The following FTO variants were observed in gnomAD, a reference collection of about 807,000 sequenced individuals.
The protein encoded by FTO is FTO alpha-ketoglutarate dependent dioxygenase.
Under a neutral mutation model 63.9 loss-of-function variants are expected in FTO, and 47 were observed. The observed-to-expected ratio is 0.74, with a 90% CI of 0.58 to 0.94. The LOEUF (loss-of-function observed/expected upper bound fraction) is 0.94, where lower values mean the gene tolerates loss of function less well. Ranked by LOEUF, FTO falls within the 40% of genes least tolerant of loss-of-function variation. The probability of loss-of-function intolerance (pLI) is 0.00; values close to 1 mark genes in which losing one functional copy is unlikely to be tolerated. For synonymous variants in FTO, 207 were observed against 224.4 expected (o/e 0.92, Z 0.69); for missense variants, 562 against 618.1 (o/e 0.91, Z 0.96).
At chr16:54,054,101 A>G (rs1162386968) in intron 8 of FTO, among the ~76,000 whole-genome samples, 4 of 152,112 alleles carry the variant, frequency 2.6e-5, no homozygotes, top group Middle Eastern at 3.4e-3. Context: ...GTGATTAAGT[A>G]TATTTAGCAC....
At chr16:53,768,842 C>G (rs1351486725) in intron 1 of FTO, among the ~76,000 whole-genome samples, 1 of 152,162 alleles carries the variant, frequency 6.6e-6, no homozygotes, top group Non-Finnish European at 1.5e-5. Flanking sequence ...AATTCCTCCT[C>G]AAGTGTGCGT....
chr16:54,076,063 A>G (rs2085986076), intron 8 of FTO, among the ~76,000 whole-genome samples: 1 of 152,132 alleles, frequency 6.6e-6, no homozygotes, highest in South Asian at 2.1e-4. Flanking sequence ...GACAAGCAGG[A>G]CTTAACATCA....
intron 7 of FTO, among the ~76,000 whole-genome samples, chr16:53,933,452 G>A (rs1324632833): frequency 2.0e-5 from 3 of 152,100 alleles, no homozygotes; most frequent in Admixed American, 2.0e-4. Context: ...GCAAGATCTT[G>A]ATTTGCAACA....
chr16:53,799,033 A>G (rs781421699), intron 1 of FTO, among the ~76,000 whole-genome samples: 8 of 152,162 alleles, frequency 5.3e-5, no homozygotes, highest in Non-Finnish European at 1.2e-4. Context: ...GGATTTATGT[A>G]GATTTTTGAA....
chr16:53,739,861 C>G (rs1000236722), intron 1 of FTO, among the ~76,000 whole-genome samples: 8 of 151,740 alleles, frequency 5.3e-5, no homozygotes, highest in African/African-American at 1.9e-4. Context: ...GTTATATTGT[C>G]TTCAAAAATA....
intron 7 of FTO, among the ~76,000 whole-genome samples, chr16:53,916,754 G>A (rs1012846015): frequency 3.9e-5 from 6 of 152,142 alleles, no homozygotes; most frequent in Admixed American, 1.3e-4. Flanking sequence ...TTCATCTGAC[G>A]CATTCCTTTC....
chr16:53,736,247 C>T (rs2076388744), intron 1 of FTO, among the ~76,000 whole-genome samples: 1 of 151,954 alleles, frequency 6.6e-6, no homozygotes, highest in Non-Finnish European at 1.5e-5. Flanking sequence ...CTGTGTTCTT[C>T]TGTACTCTCC....
At chr16:54,032,215 A>G (rs1172865344) in intron 8 of FTO, among the ~76,000 whole-genome samples, 1 of 152,232 alleles carries the variant, frequency 6.6e-6, no homozygotes, top group Non-Finnish European at 1.5e-5. Context: ...GTAAGCATGC[A>G]TCTGACAGAG....
At chr16:54,059,324 G>A (rs1467159667) in intron 8 of FTO, among the ~76,000 whole-genome samples, 1 of 152,094 alleles carries the variant, frequency 6.6e-6, no homozygotes, top group East Asian at 1.9e-4. Context: ...GGTTATGATC[G>A]GCAATTACAG....
At chr16:53,940,102 T>C (rs565239228) in intron 8 of FTO, among the ~76,000 whole-genome samples, 130 of 152,298 alleles carry the variant, frequency 8.5e-4, no homozygotes, top group African/African-American at 3.0e-3. Context: ...CCATCTTATG[T>C]TCCCACCAAG....
At position 54,117,161 on chromosome 16, in the gene FTO, C is replaced by T. The variant is rs1469386278; in HGVS notation, c.*5246C>T. Reference sequence around the variant, plus strand: ...CTGTGTGTGATTCTCACTCTACCACCTCTTCAAACCTTTGTTGTCTTATCT... The same window carrying T: ...CTGTGTGTGATTCTCACTCTACCACTTCTTCAAACCTTTGTTGTCTTATCT... On this transcript the variant is annotated 3_prime_UTR_variant, in exon 9 of 9. Coordinates refer to ENST00000471389, the MANE Select transcript of FTO (RefSeq NM_001080432.3). 2.0e-5 allele frequency: 3 copies of T among 152,214 alleles called. No individual in the cohort carries two copies. Among genetic ancestry groups the T allele is most frequent in the Non-Finnish European group, 2.9e-5 (2 of 68,040 alleles). 9.4% of individuals were successfully genotyped at this position (152,214 alleles called of 1,614,324 possible). A position where few individuals can be genotyped will look rare whatever the true frequency, so the allele number is the denominator to read the frequency against.
intron 7 of FTO, among the ~76,000 whole-genome samples, chr16:53,914,725 C>T (rs2151946741): frequency 6.6e-6 from 1 of 152,312 alleles, no homozygotes; most frequent in African/African-American, 2.4e-5. Flanking sequence ...CTTAAATTGT[C>T]TCCGTTAAAC....
At chr16:53,745,192 C>A (rs139223498) in intron 1 of FTO, among the ~76,000 whole-genome samples, 11 of 152,304 alleles carry the variant, frequency 7.2e-5, no homozygotes, top group African/African-American at 2.4e-4. Context: ...ATGCAATCTG[C>A]TGGTGGTATC....
intron 7 of FTO, among the ~76,000 whole-genome samples, chr16:53,921,258 C>T (rs1598995591): frequency 6.6e-6 from 1 of 152,328 alleles, no homozygotes; most frequent in East Asian, 1.9e-4. Context: ...TCCCCTCTCC[C>T]CCAGTGTTTT....
chr16:53,798,313 G>C (rs2078131580), intron 1 of FTO, among the ~76,000 whole-genome samples: 1 of 151,980 alleles, frequency 6.6e-6, no homozygotes, highest in Non-Finnish European at 1.5e-5. Flanking sequence ...GTGAATTTTA[G>C]AAATAGAATG....
At chr16:53,981,912 CAAAAAAA>C (rs540781287) in intron 8 of FTO, 6 of 95,502 alleles carry the variant, frequency 6.3e-5, no homozygotes, top group Admixed American at 3.2e-4. Context: ...GCTCTGTTTC[CAAAAAAA>C]AAAAAAAAAA....
chr16:53,871,444 CACTT>C (rs1446443114), intron 4 of FTO, among the ~76,000 whole-genome samples: 3 of 152,226 alleles, frequency 2.0e-5, no homozygotes, highest in Admixed American at 1.3e-4. Flanking sequence ...CTGTTCATCT[CACTT>C]AGTGTGAGTT....
At chr16:53,783,485 G>T (rs552902701) in intron 1 of FTO, among the ~76,000 whole-genome samples, 1 of 151,146 alleles carries the variant, frequency 6.6e-6, no homozygotes, top group Non-Finnish European at 1.5e-5. Context: ...GCGGGCGCCT[G>T]TAGTCCCAGC....
At chr16:54,074,911 AGAGAGAGTGT>A (rs1424523812) in intron 8 of FTO, among the ~76,000 whole-genome samples, 6 of 115,772 alleles carry the variant, frequency 5.2e-5, no homozygotes, top group Admixed American at 8.4e-5. Flanking sequence ...AGAGAGAGAG[AGAGAGAGTGT>A]GTGTGTGTGT....
Sources: gnomAD v4.1 joint callset for allele counts (sites outside exome capture counted in the v4.1 genomes callset) on GRCh38, gnomAD v4.1.1 for gene constraint, MANE v1.5 for transcripts, NCBI Gene and HGNC (gene_info 2026-07-23, HGNC 2026-07-21) for gene names.